DHX57: variants seen among roughly 807,000 people sequenced by gnomAD.
The protein encoded by DHX57 is DExH-box helicase 57, also known as putative ATP-dependent RNA helicase DHX57.
A neutral mutation model predicts 156.2 loss-of-function variants in DHX57; 105 were observed. That is an observed-to-expected ratio of 0.67 (90% confidence interval 0.57 to 0.79). The LOEUF (loss-of-function observed/expected upper bound fraction) is 0.79. DHX57 is among the 30% of genes least tolerant of loss of function. DHX57 has a pLI of 0.00. For synonymous variants in DHX57, 704 were observed against 595.6 expected (o/e 1.18, Z -2.65); for missense variants, 1,847 against 1,661.9 (o/e 1.11, Z -1.94).
chr2:38,863,370 G>T lies in DHX57; in HGVS notation c.374C>A (p.Ala125Asp). ...AAATAAAACAATTTACTCAGATCCA[G>T]CATCAGCATCTTGTTCTTGCAGGTC... ...LRDLQEQDAD[A>D]GSERGLSGEE... is the part of the protein sequence containing the mutation. Residue 125 changes from alanine to aspartate, a missense_variant, in exon 3 of 24, where the codon GCT becomes GAT. By Grantham distance (126) the Ala-to-Asp change is moderately radical (BLOSUM62 -2). Transcript: ENST00000457308. 7.5e-6 allele frequency: 12 copies of T among 1,610,286 alleles called. No individual in the cohort carries two copies. Among genetic ancestry groups the T allele is most frequent in the Non-Finnish European group, 1.0e-5 (12 of 1,179,144 alleles).
At chr2:38,830,367 C>T (rs1391940864) in intron 13 of DHX57, among the ~76,000 whole-genome samples, 1 of 152,192 alleles carries the variant, frequency 6.6e-6, no homozygotes, top group African/African-American at 2.4e-5. Flanking sequence ...GTGGCTCAGG[C>T]CTGTAATCCC....
chr2:38,868,412 C>A lies in DHX57; in HGVS notation c.-6-1G>T. On this transcript the variant is annotated splice_acceptor_variant, in intron 1 of 23. Coordinates refer to ENST00000457308, the MANE Select transcript of DHX57 (RefSeq NM_198963.3). LOFTEE classifies it low-confidence loss of function (5UTR_SPLICE). The stretch of plus-strand genomic sequence containing the variant: ...TTCTTACTGAAGAACTCATTTTCAC[C>A]TGCAAGAGAAAAAAATTAATGTAGA... 1 of 1,611,380 alleles carries A rather than the reference C, an allele frequency of 6.2e-7. No individual in the cohort carries two copies. Among genetic ancestry groups the A allele is most frequent in the Non-Finnish European group, 8.5e-7 (1 of 1,179,756 alleles).
At chr2:38,807,845 C>T (rs1670033026) in intron 21 of DHX57, among the ~76,000 whole-genome samples, 1 of 150,954 alleles carries the variant, frequency 6.6e-6, no homozygotes, top group Admixed American at 6.6e-5. Flanking sequence ...GTGGTTTCTC[C>T]ATGTTGGTCA....
intron 13 of DHX57, among the ~76,000 whole-genome samples, chr2:38,831,016 C>T (rs563558909): frequency 1.3e-5 from 2 of 151,830 alleles, no homozygotes; most frequent in South Asian, 4.2e-4. Context: ...TGCAGTGACC[C>T]GTGATCATGC....
chr2:38,854,355 T>C lies in DHX57; in HGVS notation c.1906-177A>G. ...CCAGGGACAGTAATAAAAGCCTTTCTACTTCATATCACAATGTTAAGATTT... is the reference window on the plus strand; with the variant it reads ...CCAGGGACAGTAATAAAAGCCTTTCCACTTCATATCACAATGTTAAGATTT... On this transcript the variant is annotated intron_variant, in intron 8 of 23. Transcript: ENST00000457308. 6.0e-6 allele frequency: 3 copies of C among 496,640 alleles called. No individual in the cohort carries two copies. The East Asian group carries it at 1.1e-4, about 18-fold the overall frequency. 30.8% of individuals were successfully genotyped at this position (496,640 alleles called of 1,614,324 possible).
chr2:38,831,008 C>T (rs2124833154), intron 13 of DHX57, among the ~76,000 whole-genome samples: 1 of 152,054 alleles, frequency 6.6e-6, no homozygotes, highest in Non-Finnish European at 1.5e-5. Flanking sequence ...GTTGGGGCTG[C>T]AGTGACCCGT....
Position 38,839,916 on chromosome 2 carries a change from T to C in DHX57, c.2426-1969A>G, listed in dbSNP as rs539171783. 2.6e-5 allele frequency among the ~76,000 whole-genome samples: 4 copies of C among 152,218 alleles called. No homozygotes were observed. The South Asian group carries it at 8.3e-4, about 32-fold the overall frequency. On this transcript the variant is annotated intron_variant, in intron 12 of 23. Transcript: ENST00000457308. ...CAAAAAGAAGAAAGGATCAGCTAAT[T>C]GAAAAAAGAAAACTGAACATAGTTT...
At chr2:38,864,947 C>G (rs1223585012) in intron 2 of DHX57, among the ~76,000 whole-genome samples, 1 of 152,098 alleles carries the variant, frequency 6.6e-6, no homozygotes, top group East Asian at 1.9e-4. Context: ...CCTTGACCTA[C>G]CAGAAGCATT....
chr2:38,820,949 C>T (rs1223468621), intron 17 of DHX57, among the ~76,000 whole-genome samples: 3 of 149,122 alleles, frequency 2.0e-5, no homozygotes, highest in East Asian at 3.9e-4. Flanking sequence ...ATACGTGGAA[C>T]ACCCTCCAGG....
rs981602988 is a variant in DHX57 at position 38,819,081 on chromosome 2, T to C, written c.3355A>G (p.Ser1119Gly). The change falls in exon 18 of 24, where the codon AGT (serine) becomes GGT (glycine). Residue 1119 changes from serine to glycine, a missense_variant. Transcript: ENST00000457308. ...GCTTGTAGAAGGGCCAGATAATCACTGTTTGCGAATGCAAATTCCAGCTTT... is the reference window on the plus strand; with the variant it reads ...GCTTGTAGAAGGGCCAGATAATCACCGTTTGCGAATGCAAATTCCAGCTTT... Reference protein sequence around the residue: ...QKKLEFAFANSDYLALLQAYK... With the variant: ...QKKLEFAFANGDYLALLQAYK... The C allele has an allele frequency of 1.2e-6, 2 of 1,614,110 alleles. No homozygotes were observed. The highest frequency in any genetic ancestry group is 2.7e-5 in the African/African-American group (2 of 74,950).
chr2:38,873,529 T>G (rs955615591), intron 1 of DHX57, among the ~76,000 whole-genome samples: 3 of 152,220 alleles, frequency 2.0e-5, no homozygotes, highest in African/African-American at 7.2e-5. Flanking sequence ...AAAACAAGAC[T>G]ATGTCTATTT....
chr2:38,868,926 G>A (rs573820903), intron 1 of DHX57, among the ~76,000 whole-genome samples: 1 of 152,104 alleles, frequency 6.6e-6, no homozygotes, highest in South Asian at 2.1e-4. Flanking sequence ...CTCAGCCTCT[G>A]GAGTAGCTGG....
At chr2:38,833,286 G>T (rs1671475144) in intron 13 of DHX57, among the ~76,000 whole-genome samples, 1 of 151,980 alleles carries the variant, frequency 6.6e-6, no homozygotes, top group East Asian at 1.9e-4. Context: ...GGGATTACAG[G>T]TACCCGCCAC....
chr2:38,827,569 C>CAT (rs1671166290), intron 14 of DHX57, among the ~76,000 whole-genome samples: 2 of 141,968 alleles, frequency 1.4e-5, no homozygotes, highest in Non-Finnish European at 3.0e-5. Context: ...CACACACACA[C>CAT]ACATACATAC....
In DHX57 at chr2:38,844,936, G is replaced by A. The variant is rs80284353; in HGVS notation, c.2220-1726C>T. 1.8e-3 allele frequency among the ~76,000 whole-genome samples: 270 copies of A among 152,174 alleles called. 6 individuals are homozygous for A. In the East Asian group the frequency reaches 0.045, roughly 25 times the overall value. On this transcript the variant is annotated intron_variant, in intron 11 of 23. Coordinates refer to ENST00000457308, the MANE Select transcript of DHX57 (RefSeq NM_198963.3). ...AGTGTCCACAAAGTGTGAGTGATAGGGAACCAATGAAAATTTCTAAGAATA... is the reference window on the plus strand; with the variant it reads ...AGTGTCCACAAAGTGTGAGTGATAGAGAACCAATGAAAATTTCTAAGAATA...
rs766599238 is a variant in DHX57, at chr2:38,862,208, G to T, written c.509C>A (p.Ala170Asp). The change falls in exon 4 of 24, where the codon GCC (alanine) becomes GAC (aspartate). Residue 170 changes from alanine (A) to aspartate (D), a missense_variant. Transcript: ENST00000457308. ...TTCTGGAACATAAGGCTCCACTGAG[G>T]CTAAGCCAGCATATTCCAAAGGATC... ...DLDPLEYAGLASVEPYVPEFT... is the reference protein window; with the variant it reads ...DLDPLEYAGLDSVEPYVPEFT... 4 of 1,613,846 alleles carry T rather than the reference G, an allele frequency of 2.5e-6. No homozygotes were observed. Among genetic ancestry groups the T allele is most frequent in the Non-Finnish European group, 3.4e-6 (4 of 1,179,816 alleles).
At chr2:38,831,439 C>T (rs1260936510) in intron 13 of DHX57, among the ~76,000 whole-genome samples, 3 of 151,810 alleles carry the variant, frequency 2.0e-5, no homozygotes, top group Non-Finnish European at 4.4e-5. Context: ...AAGCGATTCT[C>T]CTGCCTCAGC....
intron 13 of DHX57, among the ~76,000 whole-genome samples, chr2:38,837,611 CA>C (rs55733950): frequency 9.9e-5 from 5 of 50,352 alleles, no homozygotes; most frequent in African/African-American, 2.3e-4. Flanking sequence ...AACCCCGTCT[CA>C]AAAAAAAAAA....
intron 2 of DHX57, among the ~76,000 whole-genome samples, chr2:38,866,821 G>A (rs1665097630): frequency 1.3e-5 from 2 of 152,210 alleles, no homozygotes; most frequent in South Asian, 2.1e-4. Context: ...AACACTATGG[G>A]AGGCCAAGGC....
Sources: allele counts gnomAD v4.1 joint callset (sites outside exome capture counted in the v4.1 genomes callset), GRCh38; gene constraint gnomAD v4.1.1; transcripts MANE v1.5; gene names NCBI Gene and HGNC (gene_info 2026-07-23, HGNC 2026-07-21).